The following ONECUT3 variants were observed in gnomAD, a reference collection of about 807,000 sequenced individuals.
ONECUT3 encodes the protein one cut homeobox 3, also known as one cut domain family member 3.
In ONECUT3, 11 loss-of-function variants were observed where a neutral mutation model predicts 16.8. The ratio of observed to expected loss-of-function variants is 0.66; its 90% confidence interval spans 0.41 to 1.09. The LOEUF (loss-of-function observed/expected upper bound fraction) is 1.09, where lower values mean the gene tolerates loss of function less well. ONECUT3 is among the 50% of genes least tolerant of loss of function. The pLI is 0.00. For missense variants in ONECUT3, 637 were observed against 629.9 expected (o/e 1.01, Z -0.12); for synonymous variants, 344 against 310.7 (o/e 1.11, Z -1.13).
At chr19:1,768,939 A>T (rs1299180678) in intron 1 of ONECUT3, among the ~76,000 whole-genome samples, 70 of 132,068 alleles carry the variant, frequency 5.3e-4, no homozygotes, top group African/African-American at 5.9e-4. Context: ...AAGGTGGAGG[A>T]GGTAGAGGTA....
In ONECUT3 at chr19:1,754,409, C is replaced by T; in HGVS notation, c.747C>T (p.Ala249=). Residue 249 remains alanine (A), a synonymous_variant, in exon 1 of 2, where the codon GCC becomes GCT. Transcript: ENST00000382349. The surrounding 1 kb of genome is among the most constrained non-coding windows in gnomAD (Gnocchi z 7.4). ...CGCCCGCCGCCTTCGAGCCGCACGCCGCGCTGCTGGGACGCGCGGAGGACG... is the reference window on the plus strand; with the variant it reads ...CGCCCGCCGCCTTCGAGCCGCACGCTGCGCTGCTGGGACGCGCGGAGGACG... ...LLPPAAFEPH[A]ALLGRAEDAL... 2.8e-6 allele frequency: 3 copies of T among 1,079,164 alleles called. No homozygotes were observed. The highest frequency in any genetic ancestry group is 3.4e-6 in the Non-Finnish European group (3 of 884,492). 66.8% of individuals were successfully genotyped at this position (1,079,164 alleles called of 1,614,324 possible). A position where few individuals can be genotyped will look rare whatever the true frequency, so the allele number is the denominator to read the frequency against.
At position 1,772,518 on chromosome 19, in the gene ONECUT3, C is replaced by T. The variant is rs72971561; in HGVS notation, c.1193-2635C>T. On this transcript the variant is annotated intron_variant, in intron 1 of 1. Coordinates refer to ENST00000382349, the MANE Select transcript of ONECUT3 (RefSeq NM_001080488.2). ...TTTAAACTGGAAACTCATCTTTCAACGCTAGATTTTTTTTCATTATTTGAT... is the reference window on the plus strand; with the variant it reads ...TTTAAACTGGAAACTCATCTTTCAATGCTAGATTTTTTTTCATTATTTGAT... 8.0e-3 allele frequency among the ~76,000 whole-genome samples: 1,212 copies of T among 151,922 alleles called. 15 individuals carry two copies. The highest frequency in any genetic ancestry group is 0.02 in the South Asian group (98 of 4,792).
intron 1 of ONECUT3, among the ~76,000 whole-genome samples, chr19:1,763,620 A>G (rs374454544): frequency 1.3e-5 from 2 of 152,038 alleles, no homozygotes; most frequent in African/African-American, 2.4e-5. Context: ...CCGAATTTCA[A>G]TGCAAGATGA....
Position 1,764,812 on chromosome 19 carries a change from G to A in ONECUT3, c.1192+9958G>A, listed in dbSNP as rs968038696. ...TGGAGAGGCCACGGGGGGGGGATGC[G>A]CAGGGGGGACAAGACACCAGCATGG... On this transcript the variant is annotated intron_variant, in intron 1 of 1. Transcript: ENST00000382349. The surrounding 1 kb of genome is among the most constrained non-coding windows in gnomAD (Gnocchi z 5.0). Among the ~76,000 whole-genome samples, 2 of 137,754 alleles carry A rather than the reference G, an allele frequency of 1.5e-5. No individual in the cohort carries two copies. The highest frequency in any genetic ancestry group is 5.0e-4 in the East Asian group (2 of 3,962). The allele number at this position is 137,754 out of a possible 152,430, so 90.4% of individuals were successfully genotyped here.
Position 1,779,788 on chromosome 19 carries a change from G to A in ONECUT3, c.*4343G>A, listed in dbSNP as rs2068141474. The A allele has an allele frequency of 6.6e-6, 1 of 152,076 alleles. No homozygotes were observed. The highest frequency in any genetic ancestry group is 6.6e-5 in the Admixed American group (1 of 15,266). 9.4% of individuals were successfully genotyped at this position (152,076 alleles called of 1,614,324 possible). Reference sequence around the variant, plus strand: ...TTTCTTTCCTCCTTTCTAAGGAACTGTGTCCAGCCGGGACAGGTGGACGGG... The same window carrying A: ...TTTCTTTCCTCCTTTCTAAGGAACTATGTCCAGCCGGGACAGGTGGACGGG... On this transcript the variant is annotated 3_prime_UTR_variant, in exon 2 of 2. Coordinates refer to ENST00000382349, the MANE Select transcript of ONECUT3 (RefSeq NM_001080488.2).
At chr19:1,765,151 G>A (rs1355970210) in intron 1 of ONECUT3, among the ~76,000 whole-genome samples, 1 of 152,108 alleles carries the variant, frequency 6.6e-6, no homozygotes, top group African/African-American at 2.4e-5. Flanking sequence ...CTTCTCCCTT[G>A]GGCATTGCCC....
intron 1 of ONECUT3, among the ~76,000 whole-genome samples, chr19:1,769,312 C>T (rs1600353660): frequency 1.3e-5 from 2 of 151,386 alleles, no homozygotes; most frequent in Non-Finnish European, 2.9e-5. Context: ...ATAGCACTGA[C>T]ATTGGTGGTG....
At chr19:1,760,207 T>C (rs1026524680) in intron 1 of ONECUT3, among the ~76,000 whole-genome samples, 1 of 152,214 alleles carries the variant, frequency 6.6e-6, no homozygotes, top group Non-Finnish European at 1.5e-5. Context: ...CTGCTTCTGA[T>C]GCGGAGTCAG....
In ONECUT3 at chr19:1,766,814, C is replaced by G. The variant is rs865921563; in HGVS notation, c.1193-8339C>G. Among the ~76,000 whole-genome samples the G allele has an allele frequency of 1.3e-5, 2 of 152,204 alleles. No individual in the cohort carries two copies. Among genetic ancestry groups the G allele is most frequent in the East Asian group, 3.9e-4 (2 of 5,172 alleles). ...TCTTGCAGGCTGGGCTGAGACCCCC[C>G]CCCCATGCTCCACCACCCTCGTGTA... On this transcript the variant is annotated intron_variant, in intron 1 of 1. Coordinates refer to ENST00000382349, the MANE Select transcript of ONECUT3 (RefSeq NM_001080488.2). This position sits in a 1 kb window ranked among gnomAD's most constrained non-coding sequence, Gnocchi z 4.0.
Position 1,754,171 on chromosome 19 carries a change from T to G in ONECUT3, c.509T>G (p.Leu170Arg), listed in dbSNP as rs1302437673. The G allele has an allele frequency of 9.2e-7, 1 of 1,088,934 alleles. No homozygotes were observed. The highest frequency in any genetic ancestry group is 9.9e-5 in the East Asian group (1 of 10,114). 67.5% of individuals were successfully genotyped at this position (1,088,934 alleles called of 1,614,324 possible). A position where few individuals can be genotyped will look rare whatever the true frequency, so the allele number is the denominator to read the frequency against. Reference sequence around the variant, plus strand: ...GCCAGCGTGAGCGGCAGCTTCACCCTCATGCGCGACGAGCGGGCGGCGCTC... The same window carrying G: ...GCCAGCGTGAGCGGCAGCTTCACCCGCATGCGCGACGAGCGGGCGGCGCTC... ...LAASVSGSFTLMRDERAALAS... is the reference protein window; with the variant it reads ...LAASVSGSFTRMRDERAALAS... The change falls in exon 1 of 2, where the codon CTC becomes CGC. Residue 170 changes from leucine (L) to arginine (R), a missense_variant. By Grantham distance (102) the Leu-to-Arg change is moderately radical. Transcript: ENST00000382349. The surrounding 1 kb of genome is among the most constrained non-coding windows in gnomAD (Gnocchi z 7.4).
rs1331864943 is a variant in ONECUT3 at position 1,762,340 on chromosome 19, G to C, written c.1192+7486G>C. ...CTCTCCTCCCTGGAGCTGGGGCTTT[G>C]GGAAGGTCGAGTAGACCCTCAGTGA... On this transcript the variant is annotated intron_variant, in intron 1 of 1. Transcript: ENST00000382349. The surrounding 1 kb of genome is among the most constrained non-coding windows in gnomAD (Gnocchi z 4.4). 2.0e-5 allele frequency among the ~76,000 whole-genome samples: 3 copies of C among 152,202 alleles called. No homozygotes were observed. Among genetic ancestry groups the C allele is most frequent in the Non-Finnish European group, 2.9e-5 (2 of 68,034 alleles).
rs1030745313 is a variant in ONECUT3 at position 1,755,502 on chromosome 19, C to T, written c.1192+648C>T. On this transcript the variant is annotated intron_variant, in intron 1 of 1. Coordinates refer to ENST00000382349, the MANE Select transcript of ONECUT3 (RefSeq NM_001080488.2). This position sits in a 1 kb window ranked among gnomAD's most constrained non-coding sequence, Gnocchi z 7.5. ...TCACCCGAGAATGGCGGGGGAGGGG[C>T]GGCCCCGGGGACCCTCGGCCCGCGC... Among the ~76,000 whole-genome samples the T allele has an allele frequency of 5.9e-5, 9 of 151,438 alleles. No homozygotes were observed. The highest frequency in any genetic ancestry group is 1.3e-4 in the Non-Finnish European group (9 of 67,660).
At chr19:1,773,108 T>C (rs1271988914) in intron 1 of ONECUT3, among the ~76,000 whole-genome samples, 1 of 152,138 alleles carries the variant, frequency 6.6e-6, no homozygotes, top group African/African-American at 2.4e-5. Context: ...ATGGTCCCTT[T>C]TACTTAACAG....
Position 1,764,144 on chromosome 19 carries a change from T to TA in ONECUT3, c.1192+9295dup, listed in dbSNP as rs76269728. Among the ~76,000 whole-genome samples the TA allele has an allele frequency of 1.3e-5, 2 of 152,006 alleles. No individual in the cohort carries two copies. The highest frequency in any genetic ancestry group is 2.4e-5 in the African/African-American group (1 of 41,370). Reference sequence around the variant, plus strand: ...CGCTGTGTCTCCGTAACATTTTTTTTAAAAATCAACGCCTTGTGCGTGCGT... The same window carrying TA: ...CGCTGTGTCTCCGTAACATTTTTTTTAAAAAATCAACGCCTTGTGCGTGCGT... On this transcript the variant is annotated intron_variant, in intron 1 of 1. Transcript: ENST00000382349. The surrounding 1 kb of genome is among the most constrained non-coding windows in gnomAD (Gnocchi z 5.0).
Position 1,754,882 on chromosome 19 carries a change from C to T in ONECUT3, c.1192+28C>T. Reference sequence around the variant, plus strand: ...AGGAGCGTGGCGCGCAGGGCCAGACCCTGGGGGCGCCGGCTCTGGACTCCC... The same window carrying T: ...AGGAGCGTGGCGCGCAGGGCCAGACTCTGGGGGCGCCGGCTCTGGACTCCC... On this transcript the variant is annotated intron_variant, in intron 1 of 1. Transcript: ENST00000382349. The surrounding 1 kb of genome is among the most constrained non-coding windows in gnomAD (Gnocchi z 7.4). The T allele has an allele frequency of 7.3e-7, 1 of 1,372,014 alleles. No individual in the cohort carries two copies. The highest frequency in any genetic ancestry group is 9.5e-7 in the Non-Finnish European group (1 of 1,052,278). 85.0% of individuals were successfully genotyped at this position (1,372,014 alleles called of 1,614,324 possible).
At chr19:1,765,802 C>G (rs898210644) in intron 1 of ONECUT3, among the ~76,000 whole-genome samples, 4 of 152,318 alleles carry the variant, frequency 2.6e-5, no homozygotes, top group African/African-American at 9.6e-5. Flanking sequence ...CCACCCGCGT[C>G]CCCATGGCTG....
In ONECUT3 at chr19:1,779,007, T is replaced by A. The variant is rs1195857012; in HGVS notation, c.*3562T>A. 6.6e-6 allele frequency: 1 copy of A among 151,894 alleles called. No individual in the cohort carries two copies. The highest frequency in any genetic ancestry group is 2.4e-5 in the African/African-American group (1 of 41,288). The allele number at this position is 151,894 out of a possible 1,614,324, so 9.4% of individuals were successfully genotyped here. ...CCCGCCGGCCCCTCAGGCCCTCTCCTGCCTCCCCGCATGCCCACTTGGCTG... is the reference window on the plus strand; with the variant it reads ...CCCGCCGGCCCCTCAGGCCCTCTCCAGCCTCCCCGCATGCCCACTTGGCTG... On this transcript the variant is annotated 3_prime_UTR_variant, in exon 2 of 2. Coordinates refer to ENST00000382349, the MANE Select transcript of ONECUT3 (RefSeq NM_001080488.2).
Position 1,775,711 on chromosome 19 carries a change from A to C in ONECUT3, c.*266A>C. The C allele has an allele frequency of 2.9e-5, 10 of 342,074 alleles. No individual in the cohort carries two copies. Among genetic ancestry groups the C allele is most frequent in the East Asian group, 1.8e-4 (3 of 16,962 alleles). 21.2% of individuals were successfully genotyped at this position (342,074 alleles called of 1,614,324 possible). Reference sequence around the variant, plus strand: ...CCCCCGGAGGGGAGGGAGTGACAGAAAGGGGTTTCCCAGCCCCCTCTCCAT... The same window carrying C: ...CCCCCGGAGGGGAGGGAGTGACAGACAGGGGTTTCCCAGCCCCCTCTCCAT... On this transcript the variant is annotated 3_prime_UTR_variant, in exon 2 of 2. Coordinates refer to ENST00000382349, the MANE Select transcript of ONECUT3 (RefSeq NM_001080488.2).
chr19:1,763,373 A>AAAAAAAAAAT (rs1426750705), intron 1 of ONECUT3, among the ~76,000 whole-genome samples: 2 of 106,398 alleles, frequency 1.9e-5, no homozygotes, highest in East Asian at 7.7e-4. Context: ...TCTCAAAAAA[A>AAAAAAAAAAT]AAAAAAAAAA....
Sources: allele counts gnomAD v4.1 joint callset (sites outside exome capture counted in the v4.1 genomes callset), GRCh38; gene constraint gnomAD v4.1.1; non-coding constraint Gnocchi (gnomAD v3.1); transcripts MANE v1.5; gene names NCBI Gene and HGNC (gene_info 2026-07-23, HGNC 2026-07-21).